The following HOMER1 variants were observed in gnomAD, a reference collection of about 807,000 sequenced individuals.
HOMER1 encodes homer scaffold protein 1.
Under a neutral mutation model 48.9 loss-of-function variants are expected in HOMER1, and 3 were observed. The ratio of observed to expected loss-of-function variants is 0.06; its 90% CI spans 0.03 to 0.16. HOMER1 has a LOEUF of 0.16. Ranked by LOEUF, HOMER1 falls within the 10% of genes least tolerant of loss-of-function variation. HOMER1 has a pLI of 1.00. For synonymous variants in HOMER1, 134 were observed against 146.4 expected (o/e 0.92, Z 0.61); for missense variants, 247 against 411.4 (o/e 0.60, Z 3.46).
chr5:79,452,405 G>A (rs1159342642), intron 2 of HOMER1, among the ~76,000 whole-genome samples: 2 of 152,112 alleles, frequency 1.3e-5, no homozygotes, highest in East Asian at 1.9e-4. Context: ...ATAAAAGTGA[G>A]GAATCATTTC....
Position 79,396,899 on chromosome 5 carries a change from A to G in HOMER1, c.800T>C (p.Ile267Thr), listed in dbSNP as rs1405560585. 6.4e-7 allele frequency: 1 copy of G among 1,573,862 alleles called. No individual in the cohort carries two copies. The highest frequency in any genetic ancestry group is 8.7e-7 in the Non-Finnish European group (1 of 1,146,812). Residue 267 changes from isoleucine to threonine, a missense_variant, in exon 8 of 9, where the codon ATA becomes ACA. Ile to Thr is a moderately conservative substitution (Grantham distance 89). Around this residue, in one of 4 missense-constraint regions of HOMER1, gnomAD observed 113 missense variants for 152.5 expected, o/e 0.74. Coordinates refer to ENST00000334082, the MANE Select transcript of HOMER1 (RefSeq NM_004272.5). ...EETLKLKEEE[I>T]ERLKQEIDNA... The stretch of plus-strand genomic sequence containing the variant: ...ATCAATTTCTTGTTTTAACCTTTCT[A>G]TTTCCTAGAAAAGACAGAGCAATGT...
chr5:79,381,623 G>A (rs529977874), intron 8 of HOMER1, among the ~76,000 whole-genome samples: 27 of 152,286 alleles, frequency 1.8e-4, no homozygotes, highest in African/African-American at 6.5e-4. Flanking sequence ...AGTGGCTCAC[G>A]CCTGTAATCC....
rs10666507 is a variant in HOMER1, at chr5:79,465,584, C to CTTTTTTTTT, written c.6-8575_6-8567dup. On this transcript the variant is annotated intron_variant, in intron 1 of 8. Coordinates refer to ENST00000334082, the MANE Select transcript of HOMER1 (RefSeq NM_004272.5). ...AGTAACAGTACTGTTTACATTTCTTCTTTTTTTTTTTTTTTTTTTTTTTTT... is the reference window on the plus strand; with the variant it reads ...AGTAACAGTACTGTTTACATTTCTTCTTTTTTTTTTTTTTTTTTTTTTTTTTTTTTTTTT... 1.8e-4 allele frequency among the ~76,000 whole-genome samples: 14 copies of CTTTTTTTTT among 77,906 alleles called. 1 individual carries two copies. Among genetic ancestry groups the CTTTTTTTTT allele is most frequent in the African/African-American group, 6.1e-4 (10 of 16,496 alleles). The allele number at this position is 77,906 out of a possible 152,430, so 51.1% of individuals were successfully genotyped here.
intron 1 of HOMER1, among the ~76,000 whole-genome samples, chr5:79,504,702 C>G (rs1752699933): frequency 6.6e-6 from 1 of 151,958 alleles, no homozygotes; most frequent in African/African-American, 2.4e-5. Flanking sequence ...TTAAATAAAA[C>G]AGAAGAAAGA....
chr5:79,373,614 C>T lies in HOMER1; in HGVS notation c.*2395G>A, dbSNP rs1024136749. 3 of 151,924 alleles carry T rather than the reference C, an allele frequency of 2.0e-5. No individual in the cohort carries two copies. Among genetic ancestry groups the T allele is most frequent in the Admixed American group, 6.6e-5 (1 of 15,250 alleles). 9.4% of individuals were successfully genotyped at this position (151,924 alleles called of 1,614,324 possible). On this transcript the variant is annotated 3_prime_UTR_variant, in exon 9 of 9. Transcript: ENST00000334082. ...ATGATGATTTCTACATACTCTCCTACTGTAAATGAATAGTTAAAAGTCTTA... is the reference window on the plus strand; with the variant it reads ...ATGATGATTTCTACATACTCTCCTATTGTAAATGAATAGTTAAAAGTCTTA...
intron 5 of HOMER1, among the ~76,000 whole-genome samples, chr5:79,423,023 A>G (rs141140792): frequency 2.0e-5 from 3 of 152,286 alleles, no homozygotes; most frequent in East Asian, 1.9e-4. Context: ...TCTAGAACTT[A>G]CATCAAGGAC....
intron 1 of HOMER1, among the ~76,000 whole-genome samples, chr5:79,507,132 G>C (rs985348036): frequency 6.9e-6 from 1 of 145,494 alleles, no homozygotes; most frequent in Non-Finnish European, 1.5e-5. Context: ...AGAAATGCTG[G>C]AACCCGGGAG....
intron 1 of HOMER1, chr5:79,510,756 T>C (rs1752918677): frequency 7.9e-6 from 6 of 763,466 alleles, no homozygotes; most frequent in Non-Finnish European, 1.4e-5. Flanking sequence ...AGCATGCTCG[T>C]GCCCGCATTG....
At chr5:79,395,343 T>C (rs972709598) in intron 8 of HOMER1, among the ~76,000 whole-genome samples, 15 of 152,220 alleles carry the variant, frequency 9.9e-5, no homozygotes, top group African/African-American at 3.1e-4. Flanking sequence ...CTTGGCATTA[T>C]TGACATTTTG....
chr5:79,461,794 C>T lies in HOMER1; in HGVS notation c.6-4776G>A, dbSNP rs114483680. The stretch of plus-strand genomic sequence containing the variant: ...ATAAAATTCAAGCCTTATTCAGTAA[C>T]GACTACAGTATTATTTCTTAAACGG... On this transcript the variant is annotated intron_variant, in intron 1 of 8. Coordinates refer to ENST00000334082, the MANE Select transcript of HOMER1 (RefSeq NM_004272.5). Among the ~76,000 whole-genome samples, 1,270 of 152,194 alleles carry T rather than the reference C, an allele frequency of 8.3e-3. 15 individuals carry two copies. The highest frequency in any genetic ancestry group is 0.027 in the African/African-American group (1,129 of 41,528).
intron 1 of HOMER1, among the ~76,000 whole-genome samples, chr5:79,501,980 ATG>A (rs1165437526): frequency 2.6e-5 from 4 of 151,688 alleles, no homozygotes; most frequent in Admixed American, 6.6e-5. Context: ...ATACAAATAT[ATG>A]TAAGTATCTA....
rs1247313392 is a variant in HOMER1 at position 79,447,127 on chromosome 5, C to T, written c.313G>A (p.Glu105Lys). The change falls in exon 4 of 9, where the codon GAA (glutamate) becomes AAA (lysine). Residue 105 changes from glutamate to lysine, a missense_variant. Transcript: ENST00000334082. ...GCTAGTCGAGCAGCTTCTTTAAATT[C>T]CTGAAACTTTTCTGCAAACTGAATG... ...HLSKFAEKFQEFKEAARLAKE... is the reference protein window; with the variant it reads ...HLSKFAEKFQKFKEAARLAKE... 1 of 1,612,242 alleles carries T rather than the reference C, an allele frequency of 6.2e-7. No individual in the cohort carries two copies. Among genetic ancestry groups the T allele is most frequent in the African/African-American group, 1.3e-5 (1 of 74,856 alleles).
chr5:79,447,014 A>G (rs1250686190), intron 4 of HOMER1, 39 bp downstream of exon 4: 2 of 1,204,066 alleles, frequency 1.7e-6, no homozygotes, highest in South Asian at 2.4e-5. Flanking sequence ...ATCTGAAATG[A>G]ACAAGGTTCA....
chr5:79,434,005 T>A (rs1750501474), intron 5 of HOMER1, among the ~76,000 whole-genome samples: 1 of 152,140 alleles, frequency 6.6e-6, no homozygotes, highest in Non-Finnish European at 1.5e-5. Flanking sequence ...AGAAGCACCA[T>A]GAGAACACGT....
chr5:79,471,551 G>GAAAAAAAAAAAA (rs55724615), intron 1 of HOMER1, among the ~76,000 whole-genome samples: 221 of 97,540 alleles, frequency 2.3e-3, no homozygotes, highest in Non-Finnish European at 3.3e-3. Context: ...CCATCTCAAA[G>GAAAAAAAAAAAA]AAAAAAAAAA....
chr5:79,436,812 A>G (rs1418486660), intron 5 of HOMER1, among the ~76,000 whole-genome samples: 1 of 152,232 alleles, frequency 6.6e-6, no homozygotes, highest in Non-Finnish European at 1.5e-5. Flanking sequence ...TCTTGTTTTC[A>G]GTCAAGTAAC....
intron 1 of HOMER1, among the ~76,000 whole-genome samples, chr5:79,493,960 A>G (rs1752356070): frequency 6.6e-6 from 1 of 152,076 alleles, no homozygotes; most frequent in African/African-American, 2.4e-5. Flanking sequence ...ACACTTCTCA[A>G]ACTTCAAGGT....
intron 1 of HOMER1, among the ~76,000 whole-genome samples, chr5:79,463,157 T>C (rs1579999636): frequency 6.6e-6 from 1 of 152,204 alleles, no homozygotes; most frequent in Non-Finnish European, 1.5e-5. Context: ...TGTTCTTCCT[T>C]GCTGCTCCCC....
intron 1 of HOMER1, among the ~76,000 whole-genome samples, chr5:79,498,908 C>G (rs1166111930): frequency 6.6e-6 from 1 of 151,124 alleles, no homozygotes; most frequent in South Asian, 2.1e-4. Context: ...TGATCTCGGC[C>G]CATTGCAATC....
Sources: allele counts gnomAD v4.1 joint callset (sites outside exome capture counted in the v4.1 genomes callset), GRCh38; gene constraint gnomAD v4.1.1; regional missense constraint gnomAD v4.1.1; transcripts MANE v1.5; gene names NCBI Gene and HGNC (gene_info 2026-07-23, HGNC 2026-07-21).